Variants in CNTN4 observed in about 807,000 individuals in gnomAD.
CNTN4 encodes contactin-4.
CNTN4 carries 77 observed loss-of-function variants against 122.5 expected under a neutral mutation model. The ratio of observed to expected loss-of-function variants is 0.63; its 90% CI spans 0.52 to 0.76. The LOEUF is 0.76. Among genes scored for constraint, CNTN4 ranks in the 30% least tolerant of loss-of-function variants. The pLI, the probability that CNTN4 is intolerant of heterozygous loss-of-function variation, is 0.00. For missense variants in CNTN4, 1,256 were observed against 1,259.1 expected, an observed-to-expected ratio of 1.00 and a Z score of 0.04; for synonymous variants, 512 against 447.0, an observed-to-expected ratio of 1.15 and a Z score of -1.83.
At chr3:2,742,038 T>C (rs2089483745) in intron 5 of CNTN4, among the ~76,000 whole-genome samples, 1 of 152,198 alleles carries the variant, frequency 6.6e-6, no homozygotes, top group Non-Finnish European at 1.5e-5. Flanking sequence ...AAAGCATTCC[T>C]CTTGTTGAAA....
chr3:2,421,327 A>C (rs1471642922), intron 3 of CNTN4, among the ~76,000 whole-genome samples: 1 of 149,216 alleles, frequency 6.7e-6, no homozygotes, highest in East Asian at 2.0e-4. Flanking sequence ...ATCTCAGCTC[A>C]GTGCAACCTC....
chr3:2,757,741 A>T (rs2090401946), intron 6 of CNTN4, among the ~76,000 whole-genome samples: 2 of 152,204 alleles, frequency 1.3e-5, no homozygotes, highest in Admixed American at 1.3e-4. Context: ...AGAAAAAAGT[A>T]TGCGTTAGGG....
intron 13 of CNTN4, among the ~76,000 whole-genome samples, chr3:2,932,893 G>T (rs560182939): frequency 6.6e-6 from 1 of 152,126 alleles, no homozygotes; most frequent in East Asian, 1.9e-4. Context: ...CGCGATCTCG[G>T]CTCCCTGCGA....
At chr3:2,506,001 T>G (rs905054356) in intron 3 of CNTN4, among the ~76,000 whole-genome samples, 1 of 151,334 alleles carries the variant, frequency 6.6e-6, no homozygotes, top group African/African-American at 2.4e-5. Context: ...TTGCCCATTT[T>G]AAACAGACAC....
chr3:2,736,980 C>T (rs1340939368), intron 5 of CNTN4, among the ~76,000 whole-genome samples: 1 of 151,886 alleles, frequency 6.6e-6, no homozygotes, highest in Non-Finnish European at 1.5e-5. Flanking sequence ...GACAGGATTT[C>T]ATCATGTTGA....
intron 4 of CNTN4, among the ~76,000 whole-genome samples, chr3:2,695,096 G>A (rs937275834): frequency 2.0e-5 from 3 of 152,064 alleles, no homozygotes; most frequent in African/African-American, 4.8e-5. Context: ...CCAGGGGCTG[G>A]GCAAAAAGCA....
At chr3:2,664,427 A>C (rs1430289352) in intron 4 of CNTN4, among the ~76,000 whole-genome samples, 2 of 152,044 alleles carry the variant, frequency 1.3e-5, no homozygotes, top group Non-Finnish European at 2.9e-5. Flanking sequence ...TTTTTCCTTA[A>C]GTAAGTCTAG....
At chr3:2,265,887 G>A (rs922030068) in intron 2 of CNTN4, among the ~76,000 whole-genome samples, 1 of 151,808 alleles carries the variant, frequency 6.6e-6, no homozygotes, top group African/African-American at 2.4e-5. Context: ...CTAGTGTACT[G>A]AAACACTACT....
chr3:2,659,550 G>A (rs2083774973), intron 4 of CNTN4, among the ~76,000 whole-genome samples: 1 of 151,188 alleles, frequency 6.6e-6, no homozygotes, highest in African/African-American at 2.4e-5. Context: ...TATTACCCTA[G>A]TCTGCAGTGA....
chr3:2,418,856 A>T (rs918386356), intron 3 of CNTN4, among the ~76,000 whole-genome samples: 4 of 152,190 alleles, frequency 2.6e-5, no homozygotes, highest in African/African-American at 9.6e-5. Context: ...TGATATTTGT[A>T]TTTAGATGTT....
chr3:2,592,323 G>T (rs2080535466), intron 4 of CNTN4, among the ~76,000 whole-genome samples: 5 of 152,182 alleles, frequency 3.3e-5, no homozygotes, highest in Admixed American at 3.3e-4. Flanking sequence ...TTATATCATT[G>T]CAAATAAGGA....
chr3:2,853,183 A>G (rs1478141205), intron 7 of CNTN4, among the ~76,000 whole-genome samples: 1 of 134,558 alleles, frequency 7.4e-6, no homozygotes, highest in Non-Finnish European at 1.6e-5. Flanking sequence ...CAGGGGACGG[A>G]AAAAAAAAAA....
At chr3:2,605,072 T>C (rs923886670) in intron 4 of CNTN4, among the ~76,000 whole-genome samples, 1 of 152,180 alleles carries the variant, frequency 6.6e-6, no homozygotes. Flanking sequence ...AGTAGTGTCA[T>C]CATAGTTCAC....
chr3:3,018,919 A>G (rs1006688521), intron 14 of CNTN4, among the ~76,000 whole-genome samples: 1 of 152,256 alleles, frequency 6.6e-6, no homozygotes, highest in Non-Finnish European at 1.5e-5. Context: ...AATGAATAAT[A>G]GTAAAATGTA....
intron 6 of CNTN4, among the ~76,000 whole-genome samples, chr3:2,770,805 A>T (rs943237320): frequency 1.3e-5 from 2 of 152,230 alleles, no homozygotes; most frequent in Non-Finnish European, 2.9e-5. Context: ...GCTCAGTGTG[A>T]GACCAGTTAC....
At chr3:2,443,535 A>T (rs562603089) in intron 3 of CNTN4, among the ~76,000 whole-genome samples, 13 of 152,344 alleles carry the variant, frequency 8.5e-5, no homozygotes, top group Admixed American at 8.5e-4. Context: ...TGTAACGTAC[A>T]TATTGAGCTT....
chr3:2,468,526 G>C (rs2075581559), intron 3 of CNTN4, among the ~76,000 whole-genome samples: 1 of 152,148 alleles, frequency 6.6e-6, no homozygotes, highest in Non-Finnish European at 1.5e-5. Flanking sequence ...GTAGGCTGTT[G>C]TGTCTGGGAT....
At chr3:2,729,847 G>A (rs2088547124) in intron 4 of CNTN4, among the ~76,000 whole-genome samples, 1 of 152,168 alleles carries the variant, frequency 6.6e-6, no homozygotes, top group South Asian at 2.1e-4. Flanking sequence ...CTGGGAGGCG[G>A]AGGTTGCAGT....
intron 12 of CNTN4, among the ~76,000 whole-genome samples, chr3:2,905,477 C>T (rs2094219629): frequency 6.6e-6 from 1 of 152,114 alleles, no homozygotes; most frequent in Non-Finnish European, 1.5e-5. Flanking sequence ...GGGCACTAAT[C>T]CCATTCATAA....
Sources: allele counts gnomAD v4.1 joint callset (sites outside exome capture counted in the v4.1 genomes callset), GRCh38; gene constraint gnomAD v4.1.1; transcripts MANE v1.5; gene names NCBI Gene and HGNC (gene_info 2026-07-23, HGNC 2026-07-21).